Variants in IYD observed in about 807,000 individuals in gnomAD.
The protein encoded by IYD is iodotyrosine deiodinase 1.
In IYD, 25 loss-of-function variants were observed where a neutral mutation model predicts 28.4. The ratio of observed to expected loss-of-function variants is 0.88; its 90% confidence interval spans 0.64 to 1.23. The LOEUF is 1.23. Ranked by LOEUF, IYD falls within the 50% of genes most tolerant of loss-of-function variation. IYD has a pLI of 0.00. For synonymous variants in IYD, 140 were observed against 130.8 expected, an observed-to-expected ratio of 1.07 and a Z score of -0.48; for missense variants, 352 against 357.9, an observed-to-expected ratio of 0.98 and a Z score of 0.13.
At chr6:150,373,834 T>G (rs942453827) in intron 1 of IYD, among the ~76,000 whole-genome samples, 2 of 152,244 alleles carry the variant, frequency 1.3e-5, no homozygotes, top group Non-Finnish European at 2.9e-5. Flanking sequence ...CAGCTTTGTC[T>G]TAGACACACC....
chr6:150,392,322 G>T (rs1280846253), intron 2 of IYD, 23 bp from the exon 3 acceptor site: 2 of 1,612,058 alleles, frequency 1.2e-6, no homozygotes, highest in Non-Finnish European at 8.5e-7. Context: ...TTTAATTTCT[G>T]ATTTTAATGG....
At chr6:150,390,150 A>T (rs1778057336) in intron 2 of IYD, among the ~76,000 whole-genome samples, 1 of 152,220 alleles carries the variant, frequency 6.6e-6, no homozygotes, top group Non-Finnish European at 1.5e-5. Flanking sequence ...ATCTCCTGTG[A>T]TTGGAGTCTT....
chr6:150,383,810 AAAAAC>A (rs1274886316), intron 1 of IYD, among the ~76,000 whole-genome samples: 20 of 29,652 alleles, frequency 6.7e-4, no homozygotes, highest in Non-Finnish European at 1.1e-3. Flanking sequence ...AAAAAAAAAC[AAAAAC>A]AAAAACAAAA....
chr6:150,375,668 C>T (rs529377908), intron 1 of IYD, among the ~76,000 whole-genome samples: 73 of 152,138 alleles, frequency 4.8e-4, no homozygotes, highest in African/African-American at 1.5e-3. Flanking sequence ...TTCTTGTTAG[C>T]CCTATGAGGA....
At position 150,398,686 on chromosome 6, in the gene IYD, C is replaced by CT. The variant is rs61597872; in HGVS notation, c.*461dup. ...TTTAGACACTAATTTTTGAGAACTA[C>CT]TTTTTTTTTTTTACCAAACTTCAGG... On this transcript the variant is annotated 3_prime_UTR_variant, in exon 5 of 5. Coordinates refer to ENST00000344419, the MANE Select transcript of IYD (RefSeq NM_203395.3). 2,058 of 150,504 alleles carry CT rather than the reference C, an allele frequency of 0.014. 21 individuals are homozygous for CT. The highest frequency in any genetic ancestry group is 0.032 in the African/African-American group (1,302 of 40,588). The allele number at this position is 150,504 out of a possible 1,614,324, so 9.3% of individuals were successfully genotyped here. A position where few individuals can be genotyped will look rare whatever the true frequency, so the allele number is the denominator to read the frequency against.
Position 150,401,092 on chromosome 6 carries a change from G to A in IYD, c.*2855G>A, listed in dbSNP as rs1011324319. The A allele has an allele frequency of 6.6e-6, 1 of 152,152 alleles. No individual in the cohort carries two copies. Among genetic ancestry groups the A allele is most frequent in the African/African-American group, 2.4e-5 (1 of 41,432 alleles). 9.4% of individuals were successfully genotyped at this position (152,152 alleles called of 1,614,324 possible). A position where few individuals can be genotyped will look rare whatever the true frequency, so the allele number is the denominator to read the frequency against. ...GAACTAACATGGTAAAATGTTAGGTGGAGCATATACAGTTCTCATTATACT... is the reference window on the plus strand; with the variant it reads ...GAACTAACATGGTAAAATGTTAGGTAGAGCATATACAGTTCTCATTATACT... On this transcript the variant is annotated 3_prime_UTR_variant, in exon 5 of 5. Transcript: ENST00000344419.
At chr6:150,380,845 C>T (rs531893204) in intron 1 of IYD, among the ~76,000 whole-genome samples, 1 of 152,262 alleles carries the variant, frequency 6.6e-6, no homozygotes, top group East Asian at 1.9e-4. Context: ...TCTTTTGAGC[C>T]ACTGTCATAG....
At chr6:150,383,296 T>C (rs626249) in intron 1 of IYD, among the ~76,000 whole-genome samples, 84,145 of 151,930 alleles carry the variant, frequency 0.55, 23,526 homozygotes, top group African/African-American at 0.59. Flanking sequence ...CTGTCAAGTC[T>C]CCATGGGTAG....
intron 1 of IYD, among the ~76,000 whole-genome samples, chr6:150,383,118 C>T (rs1322442951): frequency 6.6e-6 from 1 of 152,204 alleles, no homozygotes; most frequent in Admixed American, 6.5e-5. Flanking sequence ...CATGGTGTGA[C>T]ACTAATACTC....
intron 1 of IYD, among the ~76,000 whole-genome samples, chr6:150,375,101 C>G (rs991613990): frequency 6.6e-6 from 1 of 152,210 alleles, no homozygotes; most frequent in Non-Finnish European, 1.5e-5. Flanking sequence ...ATCTATACAG[C>G]AGCCAGATGT....
intron 2 of IYD, among the ~76,000 whole-genome samples, chr6:150,391,744 C>T (rs1011979886): frequency 1.3e-5 from 2 of 152,012 alleles, no homozygotes; most frequent in Non-Finnish European, 2.9e-5. Flanking sequence ...GTTTCATTCT[C>T]GTCACCCGGG....
At position 150,401,152 on chromosome 6, in the gene IYD, C is replaced by A. The variant is rs1157318967; in HGVS notation, c.*2915C>A. ...AATTTATATTTGAACACAGTCAAAT[C>A]TGAATGGAAATACATTTAAATAAGC... On this transcript the variant is annotated 3_prime_UTR_variant, in exon 5 of 5. Coordinates refer to ENST00000344419, the MANE Select transcript of IYD (RefSeq NM_203395.3). The A allele has an allele frequency of 6.6e-6, 1 of 152,182 alleles. No homozygotes were observed. Among genetic ancestry groups the A allele is most frequent in the Non-Finnish European group, 1.5e-5 (1 of 68,042 alleles). The allele number at this position is 152,182 out of a possible 1,614,324, so 9.4% of individuals were successfully genotyped here. A position where few individuals can be genotyped will look rare whatever the true frequency, so the allele number is the denominator to read the frequency against.
rs942963114 is a variant in IYD at position 150,399,035 on chromosome 6, C to G, written c.*798C>G. 1.3e-5 allele frequency: 2 copies of G among 152,160 alleles called. No homozygotes were observed. Among genetic ancestry groups the G allele is most frequent in the South Asian group, 2.1e-4 (1 of 4,818 alleles). 9.4% of individuals were successfully genotyped at this position (152,160 alleles called of 1,614,324 possible). On this transcript the variant is annotated 3_prime_UTR_variant, in exon 5 of 5. Transcript: ENST00000344419. ...TCCAGCCTGGGCAACAGAGCGAGAA[C>G]CTGTCTCAAAAAAAACAAAAACAAA...
intron 2 of IYD, among the ~76,000 whole-genome samples, chr6:150,391,843 G>A (rs1778130260): frequency 6.6e-6 from 1 of 151,764 alleles, no homozygotes; most frequent in Admixed American, 6.6e-5. Flanking sequence ...CAAGTAGCTG[G>A]GATTACAGGC....
intron 1 of IYD, chr6:150,370,381 G>A (rs371948679): frequency 5.8e-6 from 3 of 519,670 alleles, no homozygotes; most frequent in African/African-American, 4.2e-5. Flanking sequence ...GAGCATGCAT[G>A]AGTTTGTGTG....
chr6:150,369,353 T>C (rs1410133653), intron 1 of IYD, 144 bp downstream of exon 1: 31 of 792,236 alleles, frequency 3.9e-5, no homozygotes, highest in Non-Finnish European at 6.5e-5. Flanking sequence ...GAATCAGTGC[T>C]TGGCACAGAC....
chr6:150,378,771 C>T (rs1346797734), intron 1 of IYD, among the ~76,000 whole-genome samples: 3 of 152,126 alleles, frequency 2.0e-5, no homozygotes, highest in Non-Finnish European at 4.4e-5. Flanking sequence ...TACCATTTGA[C>T]CCAGCCATCC....
At position 150,404,100 on chromosome 6, in the gene IYD, A is replaced by G. The variant is rs1414429528; in HGVS notation, c.*5863A>G. On this transcript the variant is annotated 3_prime_UTR_variant, in exon 5 of 5. Coordinates refer to ENST00000344419, the MANE Select transcript of IYD (RefSeq NM_203395.3). ...AGCGCTGGAGTACTGTCTTATGACC[A>G]GAGATCCTAAGCAACCTCTGCTCAT... 1 of 152,210 alleles carries G rather than the reference A, an allele frequency of 6.6e-6. No homozygotes were observed. Among genetic ancestry groups the G allele is most frequent in the Non-Finnish European group, 1.5e-5 (1 of 68,036 alleles). 9.4% of individuals were successfully genotyped at this position (152,210 alleles called of 1,614,324 possible).
chr6:150,398,498 T>A lies in IYD; in HGVS notation c.*261T>A, dbSNP rs1176118601. On this transcript the variant is annotated 3_prime_UTR_variant, in exon 5 of 5. Coordinates refer to ENST00000344419, the MANE Select transcript of IYD (RefSeq NM_203395.3). ...GCCCGGGTTTTTACATTTTAAAAGT[T>A]ATTCTAGACAATCACTATTGGCTTT... 2.2e-6 allele frequency: 1 copy of A among 460,124 alleles called. No homozygotes were observed. The highest frequency in any genetic ancestry group is 3.9e-6 in the Non-Finnish European group (1 of 258,558). 28.5% of individuals were successfully genotyped at this position (460,124 alleles called of 1,614,324 possible).
Sources: gnomAD v4.1 joint callset for allele counts (sites outside exome capture counted in the v4.1 genomes callset) on GRCh38, gnomAD v4.1.1 for gene constraint, MANE v1.5 for transcripts, NCBI Gene and HGNC (gene_info 2026-07-23, HGNC 2026-07-21) for gene names.